The following ZNF628 variants were observed in gnomAD, a reference collection of about 807,000 sequenced individuals.
ZNF628 encodes the protein zinc finger protein 628, also known as zinc finger protein Zec.
In ZNF628, 3 loss-of-function variants were observed where a neutral mutation model predicts 2.5. The observed-to-expected ratio is 1.19, with a 90% confidence interval of 0.54 to 3.07. The LOEUF (loss-of-function observed/expected upper bound fraction) is 3.07. Ranked by LOEUF, ZNF628 falls within the 30% of genes most tolerant of loss-of-function variation. ZNF628 has a pLI of 0.03. For synonymous variants in ZNF628, 861 were observed against 717.1 expected, an observed-to-expected ratio of 1.20 and a Z score of -3.21; for missense variants, 1,610 against 1,517.1, an observed-to-expected ratio of 1.06 and a Z score of -1.02.
chr19:55,480,800 G>A (rs541661562), intron 2 of ZNF628, among the ~76,000 whole-genome samples: 1 of 152,202 alleles, frequency 6.6e-6, no homozygotes, highest in Non-Finnish European at 1.5e-5. Context: ...TGGAGGATAA[G>A]GTCTTAGAGG....
intron 1 of ZNF628, among the ~76,000 whole-genome samples, chr19:55,477,937 T>C (rs1986601271): frequency 6.6e-6 from 1 of 152,188 alleles, no homozygotes; most frequent in African/African-American, 2.4e-5. Flanking sequence ...GGCGTTGACA[T>C]TCTAGCATGG....
chr19:55,481,432 T>C lies in ZNF628; in HGVS notation c.239T>C (p.Leu80Pro). The C allele has an allele frequency of 6.2e-7, 1 of 1,608,882 alleles. No individual in the cohort carries two copies. The highest frequency in any genetic ancestry group is 2.2e-5 in the East Asian group (1 of 44,624). The change falls in exon 3 of 3, where the codon CTC (leucine) becomes CCC (proline). Residue 80 changes from leucine (L) to proline (P), a missense_variant. Physicochemically the swap from Leu to Pro is moderately conservative, Grantham distance 98. This residue lies in a region of ZNF628 where 166 missense variants were observed against 241.3 expected (regional missense o/e 0.69). Coordinates refer to ENST00000598519, the MANE Select transcript of ZNF628 (RefSeq NM_033113.3). The stretch of plus-strand genomic sequence containing the variant: ...GCTTTCAAAGGCTCCTCGGCCCTGC[T>C]CTACCACCAGCGAGGCCACACGGGC... ...PKAFKGSSAL[L>P]YHQRGHTGER...
intron 1 of ZNF628, among the ~76,000 whole-genome samples, chr19:55,478,817 G>A (rs1986628620): frequency 1.3e-5 from 2 of 152,196 alleles, no homozygotes; most frequent in African/African-American, 4.8e-5. Context: ...GAGAGGAGGC[G>A]AGGAGCCTTT....
chr19:55,483,171 C>A lies in ZNF628; in HGVS notation c.1978C>A (p.Pro660Thr). 1.3e-6 allele frequency: 2 copies of A among 1,550,066 alleles called. No individual in the cohort carries two copies. The highest frequency in any genetic ancestry group is 8.7e-7 in the Non-Finnish European group (1 of 1,155,328). ...PPSTTAPAAG[P>T]QPPAPLAAAR... ...CAGCACCACAGCCCCTGCCGCCGGC[C>A]CCCAGCCCCCTGCTCCACTGGCTGC... The change falls in exon 3 of 3, where the codon CCC (proline) becomes ACC (threonine). Residue 660 changes from proline (P) to threonine (T), a missense_variant. Pro to Thr is a conservative substitution (Grantham distance 38, BLOSUM62 -1). This residue lies in a region of ZNF628 where 712 missense variants were observed against 603.6 expected (regional missense o/e 1.18). Transcript: ENST00000598519.
At position 55,479,384 on chromosome 19, in the gene ZNF628, C is replaced by T. The variant is rs901997917; in HGVS notation, c.-77-450C>T. 1.3e-5 allele frequency among the ~76,000 whole-genome samples: 2 copies of T among 152,176 alleles called. No individual in the cohort carries two copies. Among genetic ancestry groups the T allele is most frequent in the Admixed American group, 1.3e-4 (2 of 15,274 alleles). On this transcript the variant is annotated intron_variant, in intron 1 of 2. Transcript: ENST00000598519. This position sits in a 1 kb window ranked among gnomAD's most constrained non-coding sequence, Gnocchi z 5.1. ...GCTCTGCTGTGAAGGAATGGAGAAA[C>T]GAGTCTGCAGCTGGACAGGGAAGTG...
rs150635977 is a variant in ZNF628, at chr19:55,479,355, A to T, written c.-77-479A>T. Among the ~76,000 whole-genome samples the T allele has an allele frequency of 7.0e-4, 106 of 152,292 alleles. No individual in the cohort carries two copies. Among genetic ancestry groups the T allele is most frequent in the Middle Eastern group, 3.4e-3 (1 of 294 alleles). ...CTGGGAAAGAGCGGGCTGACACTTG[A>T]GCTGCTCTGCTGTGAAGGAATGGAG... On this transcript the variant is annotated intron_variant, in intron 1 of 2. Coordinates refer to ENST00000598519, the MANE Select transcript of ZNF628 (RefSeq NM_033113.3). The surrounding 1 kb of genome is among the most constrained non-coding windows in gnomAD (Gnocchi z 5.1).
Position 55,481,642 on chromosome 19 carries a change from G to A in ZNF628, c.449G>A (p.Cys150Tyr). 6.2e-7 allele frequency: 1 copy of A among 1,609,694 alleles called. No individual in the cohort carries two copies. The highest frequency in any genetic ancestry group is 8.5e-7 in the Non-Finnish European group (1 of 1,177,238). Residue 150 changes from cysteine to tyrosine, a missense_variant, in exon 3 of 3, where the codon TGC (cysteine) becomes TAC (tyrosine). By Grantham distance (194) the Cys-to-Tyr change is radical (BLOSUM62 -2). Coordinates refer to ENST00000598519, the MANE Select transcript of ZNF628 (RefSeq NM_033113.3). ...CACACAGGCGAGCGCCCCTACCCGT[G>A]CCCGGACTGCCCCAAGGCCTTCAAG... ...RQHTGERPYPCPDCPKAFKNS... is the reference protein window; with the variant it reads ...RQHTGERPYPYPDCPKAFKNS...
rs562128870 is a variant in ZNF628, at chr19:55,479,205, G to T, written c.-77-629G>T. 1.3e-5 allele frequency among the ~76,000 whole-genome samples: 2 copies of T among 152,148 alleles called. No homozygotes were observed. The highest frequency in any genetic ancestry group is 2.9e-5 in the Non-Finnish European group (2 of 68,024). On this transcript the variant is annotated intron_variant, in intron 1 of 2. Coordinates refer to ENST00000598519, the MANE Select transcript of ZNF628 (RefSeq NM_033113.3). The surrounding 1 kb of genome is among the most constrained non-coding windows in gnomAD (Gnocchi z 5.1). ...TGACAGGTGACGGAGGGCAGTGAGGGAGCGAGGTATCCCGGAGGCCAGGGG... is the reference window on the plus strand; with the variant it reads ...TGACAGGTGACGGAGGGCAGTGAGGTAGCGAGGTATCCCGGAGGCCAGGGG...
chr19:55,484,085 G>A lies in ZNF628; in HGVS notation c.2892G>A (p.Pro964=). ...VETLPPGLTE[P]PATGPPGQKL... Reference sequence around the variant, plus strand: ...CACTTCCTCCTGGGCTGACGGAGCCGCCTGCCACCGGCCCACCCGGACAGA... The same window carrying A: ...CACTTCCTCCTGGGCTGACGGAGCCACCTGCCACCGGCCCACCCGGACAGA... The change falls in exon 3 of 3, where the codon CCG becomes CCA. Residue 964 remains proline, a synonymous_variant. Coordinates refer to ENST00000598519, the MANE Select transcript of ZNF628 (RefSeq NM_033113.3). 2 of 1,591,966 alleles carry A rather than the reference G, an allele frequency of 1.3e-6. No individual in the cohort carries two copies. Among genetic ancestry groups the A allele is most frequent in the Non-Finnish European group, 1.7e-6 (2 of 1,170,934 alleles).
chr19:55,483,216 A>G lies in ZNF628; in HGVS notation c.2023A>G (p.Thr675Ala), dbSNP rs1424011794. The change falls in exon 3 of 3, where the codon ACC (threonine) becomes GCC (alanine). Residue 675 changes from threonine to alanine, a missense_variant. Coordinates refer to ENST00000598519, the MANE Select transcript of ZNF628 (RefSeq NM_033113.3). ...GGCTGCTGCGCGGGCCCCGCCAGCC[A>G]CCCAAGATGTCCACGTCCTGCCCCA... is the stretch of plus-strand genomic sequence containing the variant. ...PLAAARAPPA[T>A]QDVHVLPHLQ... The G allele has an allele frequency of 6.5e-7, 1 of 1,541,756 alleles. No individual in the cohort carries two copies. Among genetic ancestry groups the G allele is most frequent in the African/African-American group, 1.4e-5 (1 of 73,250 alleles).
In ZNF628 at chr19:55,481,529, C is replaced by A. The variant is rs1986699900; in HGVS notation, c.336C>A (p.Ser112Arg). 11 of 1,613,350 alleles carry A rather than the reference C, an allele frequency of 6.8e-6. No individual in the cohort carries two copies. Among genetic ancestry groups the A allele is most frequent in the Non-Finnish European group, 9.3e-6 (11 of 1,179,686 alleles). ...KRSSLLQIHR[S>R]VHTGLRAFIC... ...CCTCTCTGCTGCAGATCCACCGTAG[C>A]GTGCACACCGGCCTGCGGGCCTTCA... The change falls in exon 3 of 3, where the codon AGC (serine) becomes AGA (arginine). Residue 112 changes from serine to arginine, a missense_variant. Ser to Arg is a moderately radical substitution (Grantham distance 110). This residue lies in a region of ZNF628 where 166 missense variants were observed against 241.3 expected (regional missense o/e 0.69). Coordinates refer to ENST00000598519, the MANE Select transcript of ZNF628 (RefSeq NM_033113.3).
intron 2 of ZNF628, among the ~76,000 whole-genome samples, chr19:55,480,342 C>T (rs1856214098): frequency 6.7e-6 from 1 of 150,208 alleles, no homozygotes; most frequent in African/African-American, 2.5e-5. Context: ...ACCTCCCAGG[C>T]TCAAGTGATT....
intron 2 of ZNF628, among the ~76,000 whole-genome samples, 197 bp from the exon 3 acceptor site, chr19:55,481,004 G>C (rs1187335752): frequency 6.6e-6 from 1 of 152,206 alleles, no homozygotes; most frequent in African/African-American, 2.4e-5. Flanking sequence ...TTTCAGCACT[G>C]AAAGTGCAGC....
intron 2 of ZNF628, among the ~76,000 whole-genome samples, 188 bp from the exon 3 acceptor site, chr19:55,481,013 G>A (rs1036143153): frequency 3.3e-5 from 5 of 152,206 alleles, no homozygotes; most frequent in African/African-American, 9.6e-5. Context: ...TGAAAGTGCA[G>A]CATCGCTGGC....
In ZNF628 at chr19:55,484,426, A is replaced by G; in HGVS notation, c.*53A>G. The G allele has an allele frequency of 7.2e-7, 1 of 1,395,108 alleles. No individual in the cohort carries two copies. Among genetic ancestry groups the G allele is most frequent in the Non-Finnish European group, 9.4e-7 (1 of 1,063,696 alleles). 86.4% of individuals were successfully genotyped at this position (1,395,108 alleles called of 1,614,324 possible). A position where few individuals can be genotyped will look rare whatever the true frequency, so the allele number is the denominator to read the frequency against. On this transcript the variant is annotated 3_prime_UTR_variant, in exon 3 of 3. Transcript: ENST00000598519. Reference sequence around the variant, plus strand: ...CGCACAGAGACCCCGACTCACTGCCAGCCGGGGCGGGGCAGGGTGCCGCAG... The same window carrying G: ...CGCACAGAGACCCCGACTCACTGCCGGCCGGGGCGGGGCAGGGTGCCGCAG...
intron 1 of ZNF628, among the ~76,000 whole-genome samples, chr19:55,477,484 A>G (rs190825203): frequency 7.2e-5 from 11 of 151,834 alleles, no homozygotes; most frequent in Admixed American, 2.6e-4. Flanking sequence ...GTTCTTGGCT[A>G]GGCGCGGTGG....
Position 55,483,198 on chromosome 19 carries a change from G to C in ZNF628, c.2005G>C (p.Ala669Pro), listed in dbSNP as rs750471793. The C allele has an allele frequency of 5.2e-6, 8 of 1,545,756 alleles. No homozygotes were observed. The highest frequency in any genetic ancestry group is 6.1e-6 in the Non-Finnish European group (7 of 1,152,886). Reference sequence around the variant, plus strand: ...CCAGCCCCCTGCTCCACTGGCTGCTGCGCGGGCCCCGCCAGCCACCCAAGA... The same window carrying C: ...CCAGCCCCCTGCTCCACTGGCTGCTCCGCGGGCCCCGCCAGCCACCCAAGA... ...GPQPPAPLAA[A>P]RAPPATQDVH... Residue 669 changes from alanine (A) to proline (P), a missense_variant, in exon 3 of 3, where the codon GCG becomes CCG. Coordinates refer to ENST00000598519, the MANE Select transcript of ZNF628 (RefSeq NM_033113.3).
rs1462910208 is a variant in ZNF628, at chr19:55,482,930, C to A, written c.1737C>A (p.Ser579=). 1.9e-6 allele frequency: 3 copies of A among 1,609,690 alleles called. No homozygotes were observed. Among genetic ancestry groups the A allele is most frequent in the Admixed American group, 3.3e-5 (2 of 59,900 alleles). The change falls in exon 3 of 3, where the codon TCC becomes TCA. Residue 579 remains serine (S), a synonymous_variant. Transcript: ENST00000598519. The part of the protein sequence containing the change: ...GVCGKSFAQT[S]NLRQHQRVHT... ...GCGGCAAGAGCTTCGCGCAGACCTCCAACCTGCGGCAGCACCAGCGCGTGC... is the reference window on the plus strand; with the variant it reads ...GCGGCAAGAGCTTCGCGCAGACCTCAAACCTGCGGCAGCACCAGCGCGTGC...
chr19:55,483,808 G>A lies in ZNF628; in HGVS notation c.2615G>A (p.Gly872Asp). 6.2e-7 allele frequency: 1 copy of A among 1,613,694 alleles called. No individual in the cohort carries two copies. Among genetic ancestry groups the A allele is most frequent in the Non-Finnish European group, 8.5e-7 (1 of 1,179,810 alleles). The change falls in exon 3 of 3, where the codon GGC becomes GAC. Residue 872 changes from glycine (G) to aspartate (D), a missense_variant. Gly to Asp is a moderately conservative substitution (Grantham distance 94). This residue lies in a region of ZNF628 where 712 missense variants were observed against 603.6 expected (regional missense o/e 1.18). Coordinates refer to ENST00000598519, the MANE Select transcript of ZNF628 (RefSeq NM_033113.3). ...VTTVQLQPVA[G>D]QLSNSSGGAV... ...ACGGTCCAGCTCCAGCCCGTGGCCG[G>A]CCAGCTCTCCAATTCCAGTGGGGGA...
Sources: allele counts gnomAD v4.1 joint callset (sites outside exome capture counted in the v4.1 genomes callset), GRCh38; gene constraint gnomAD v4.1.1; regional missense constraint gnomAD v4.1.1; non-coding constraint Gnocchi (gnomAD v3.1); transcripts MANE v1.5; gene names NCBI Gene and HGNC (gene_info 2026-07-23, HGNC 2026-07-21).